JAK2: variants seen among roughly 807,000 people sequenced by gnomAD.
JAK2 encodes tyrosine-protein kinase JAK2.
A neutral mutation model predicts 139.3 loss-of-function variants in JAK2; 86 were observed. The ratio of observed to expected loss-of-function variants is 0.62; its 90% CI spans 0.52 to 0.74. The LOEUF (loss-of-function observed/expected upper bound fraction) is 0.74, where lower values mean the gene tolerates loss of function less well. Among genes scored for constraint, JAK2 ranks in the 30% least tolerant of loss-of-function variants. The probability of loss-of-function intolerance (pLI) is 0.00; values close to 1 mark genes in which losing one functional copy is unlikely to be tolerated. For missense variants in JAK2, 1,421 were observed against 1,360.3 expected (o/e 1.04, Z -0.70); for synonymous variants, 490 against 437.7 (o/e 1.12, Z -1.49).
At chr9:5,098,767 C>T (rs1184383363) in intron 22 of JAK2, 1 of 151,514 alleles carries the variant, frequency 6.6e-6, no homozygotes, top group Non-Finnish European at 1.5e-5. Flanking sequence ...GATCTCAGCT[C>T]ACTGCAAGCT....
chr9:5,003,660 T>C (rs1821075690), intron 2 of JAK2, among the ~76,000 whole-genome samples: 1 of 152,074 alleles, frequency 6.6e-6, no homozygotes, highest in African/African-American at 2.4e-5. Flanking sequence ...ATACTGACAA[T>C]TTTACTTATC....
intron 2 of JAK2, among the ~76,000 whole-genome samples, chr9:5,007,473 T>C (rs1043233947): frequency 1.3e-5 from 2 of 152,134 alleles, no homozygotes; most frequent in African/African-American, 4.8e-5. Context: ...CAAATTTCCA[T>C]TAATTCAAAT....
chr9:5,110,343 A>G (rs1307097092), intron 22 of JAK2: 1 of 152,260 alleles, frequency 6.6e-6, no homozygotes, highest in Non-Finnish European at 1.5e-5. Context: ...CTGCGCTCTA[A>G]CACAAAATGA....
intron 8 of JAK2, among the ~76,000 whole-genome samples, chr9:5,056,521 A>G (rs1333791705): frequency 6.6e-6 from 1 of 151,964 alleles, no homozygotes; most frequent in African/African-American, 2.4e-5. Flanking sequence ...CTAACTTGCA[A>G]CTCACTTAAT....
chr9:5,055,920 A>G, intron 8 of JAK2, 132 bp downstream of exon 8: 1 of 740,686 alleles, frequency 1.4e-6, no homozygotes, highest in South Asian at 2.0e-5. Flanking sequence ...TCTAAACATC[A>G]GTTCAGTAAA....
At chr9:5,082,930 T>A (rs950795203) in intron 19 of JAK2, among the ~76,000 whole-genome samples, 2 of 152,232 alleles carry the variant, frequency 1.3e-5, no homozygotes, top group Non-Finnish European at 2.9e-5. Flanking sequence ...CAGATCAAAA[T>A]GGAATTTCTT....
chr9:5,073,669 C>T (rs1199708085), intron 13 of JAK2, 29 bp from the exon 14 acceptor site: 2 of 1,527,556 alleles, frequency 1.3e-6, no homozygotes, highest in Admixed American at 1.7e-5. Context: ...AGTCAAACAA[C>T]AATTCTTTGT....
At chr9:4,986,828 G>A (rs533724504) in intron 2 of JAK2, among the ~76,000 whole-genome samples, 5 of 152,196 alleles carry the variant, frequency 3.3e-5, no homozygotes, top group South Asian at 2.1e-4. Context: ...TTTTTAATAC[G>A]TCTGTGCATG....
intron 4 of JAK2, among the ~76,000 whole-genome samples, chr9:5,037,880 G>A (rs1012544969): frequency 6.6e-6 from 1 of 151,970 alleles, no homozygotes; most frequent in Non-Finnish European, 1.5e-5. Context: ...AAGGCAAATT[G>A]TAAAGATAGT....
At chr9:5,081,903 A>G (rs1375169331) in intron 19 of JAK2, 42 bp downstream of exon 19, 10 of 1,518,664 alleles carry the variant, frequency 6.6e-6, no homozygotes, top group African/African-American at 1.4e-5. Context: ...TAATCATTTC[A>G]TTTAGGAAAA....
At chr9:5,073,382 C>A (rs1417135651) in intron 13 of JAK2, among the ~76,000 whole-genome samples, 1 of 152,206 alleles carries the variant, frequency 6.6e-6, no homozygotes, top group African/African-American at 2.4e-5. Flanking sequence ...TCTCTGACAT[C>A]TACCTCTAGT....
At chr9:5,013,567 G>C (rs1821844133) in intron 2 of JAK2, among the ~76,000 whole-genome samples, 1 of 152,118 alleles carries the variant, frequency 6.6e-6, no homozygotes, top group African/African-American at 2.4e-5. Flanking sequence ...TCTCTACTTT[G>C]TTCCAGGAAC....
intron 22 of JAK2, chr9:5,111,460 G>C (rs191145873): frequency 2.6e-6 from 1 of 390,006 alleles, no homozygotes; most frequent in Middle Eastern, 5.7e-4. Flanking sequence ...CATCCTCGGC[G>C]TACCTGCCCA....
At chr9:5,041,715 G>C (rs563135457) in intron 4 of JAK2, 10 of 501,344 alleles carry the variant, frequency 2.0e-5, no homozygotes, top group Non-Finnish European at 4.0e-5. Context: ...CTCTGAGTAC[G>C]AGGGGCTCGG....
At chr9:5,068,743 A>G (rs955183272) in intron 10 of JAK2, among the ~76,000 whole-genome samples, 2 of 152,236 alleles carry the variant, frequency 1.3e-5, no homozygotes, top group Non-Finnish European at 2.9e-5. Flanking sequence ...CTTATAAATG[A>G]TGGAAAACTA....
intron 2 of JAK2, among the ~76,000 whole-genome samples, chr9:5,001,656 C>T (rs1820935920): frequency 6.7e-6 from 1 of 149,520 alleles, no homozygotes; most frequent in Non-Finnish European, 1.5e-5. Flanking sequence ...GTGTTTTTGC[C>T]AGGTTTTGGT....
intron 16 of JAK2, among the ~76,000 whole-genome samples, chr9:5,079,366 T>C (rs1281318974): frequency 6.6e-6 from 1 of 152,220 alleles, no homozygotes; most frequent in Non-Finnish European, 1.5e-5. Flanking sequence ...TCTGGTGGAA[T>C]CAAAGACCAC....
chr9:5,060,413 CCT>C (rs1414104563), intron 8 of JAK2, among the ~76,000 whole-genome samples: 3 of 152,166 alleles, frequency 2.0e-5, no homozygotes, highest in African/African-American at 7.2e-5. Context: ...ATGAGTCAGT[CCT>C]CTCAAACCCT....
chr9:5,124,714 T>C (rs567371778), intron 23 of JAK2, among the ~76,000 whole-genome samples: 9 of 151,708 alleles, frequency 5.9e-5, no homozygotes, highest in South Asian at 4.1e-4. Context: ...AACAAACACA[T>C]AGATCAATGG....
Sources: allele counts gnomAD v4.1 joint callset (sites outside exome capture counted in the v4.1 genomes callset), GRCh38; gene constraint gnomAD v4.1.1; transcripts MANE v1.5; gene names NCBI Gene and HGNC (gene_info 2026-07-23, HGNC 2026-07-21).